OXR1: variants seen among roughly 807,000 people sequenced by gnomAD.
The protein encoded by OXR1 is oxidation resistance 1, also known as oxidation resistance protein 1.
In OXR1, 41 loss-of-function variants were observed where a neutral mutation model predicts 104.6. That is an observed-to-expected ratio of 0.39 (90% CI 0.31 to 0.51). OXR1 has a LOEUF of 0.51. OXR1 is among the 20% of genes least tolerant of loss of function. The pLI, the probability that OXR1 is intolerant of heterozygous loss-of-function variation, is 0.77. For synonymous variants in OXR1, 348 were observed against 348.4 expected (o/e 1.00, Z 0.01); for missense variants, 955 against 1,031.9 (o/e 0.93, Z 1.02).
chr8:106,608,750 A>C (rs1298196047), intron 3 of OXR1, among the ~76,000 whole-genome samples: 1 of 152,206 alleles, frequency 6.6e-6, no homozygotes, highest in Non-Finnish European at 1.5e-5. Flanking sequence ...CACAAAGGAA[A>C]CAGAAACCAG....
At chr8:106,707,858 A>C (rs953351937) in intron 9 of OXR1, among the ~76,000 whole-genome samples, 7 of 152,174 alleles carry the variant, frequency 4.6e-5, no homozygotes, top group Non-Finnish European at 8.8e-5. Flanking sequence ...GTCCATTCAC[A>C]TGTGAACTTT....
At chr8:106,671,664 T>C (rs1348406083) in intron 3 of OXR1, among the ~76,000 whole-genome samples, 2 of 152,170 alleles carry the variant, frequency 1.3e-5, no homozygotes, top group East Asian at 3.9e-4. Flanking sequence ...TCATGTCCTT[T>C]GCAGGGACAT....
At chr8:106,452,494 A>G (rs577131763) in intron 2 of OXR1, among the ~76,000 whole-genome samples, 57 of 152,298 alleles carry the variant, frequency 3.7e-4, no homozygotes, top group Middle Eastern at 6.8e-3. Context: ...TTTACCAAAA[A>G]TTAAAAATCA....
At chr8:106,674,661 ATAT>A (rs1414408668) in intron 3 of OXR1, among the ~76,000 whole-genome samples, 1 of 152,104 alleles carries the variant, frequency 6.6e-6, no homozygotes, top group Non-Finnish European at 1.5e-5. Flanking sequence ...TCATCTTGAA[ATAT>A]TATCCCCATA....
intron 1 of OXR1, among the ~76,000 whole-genome samples, chr8:106,321,550 G>A (rs1814218134): frequency 1.3e-5 from 2 of 152,128 alleles, no homozygotes; most frequent in Admixed American, 6.5e-5. Context: ...TTTCTGAATG[G>A]TGTTAAGACT....
At chr8:106,598,459 C>T (rs547389959) in intron 3 of OXR1, among the ~76,000 whole-genome samples, 2 of 152,294 alleles carry the variant, frequency 1.3e-5, no homozygotes, top group African/African-American at 2.4e-5. Flanking sequence ...TTGATAATAA[C>T]TTACCAATCA....
intron 3 of OXR1, among the ~76,000 whole-genome samples, chr8:106,581,747 G>T (rs1430769509): frequency 1.3e-5 from 2 of 151,958 alleles, no homozygotes; most frequent in African/African-American, 4.8e-5. Context: ...TTCAGGGCCA[G>T]GCACAATGGC....
At chr8:106,406,136 AG>A (rs1049157919) in intron 2 of OXR1, among the ~76,000 whole-genome samples, 3 of 152,110 alleles carry the variant, frequency 2.0e-5, no homozygotes, top group Non-Finnish European at 2.9e-5. Context: ...ATCTTGTCAT[AG>A]GGTGGCTTGG....
chr8:106,744,379 C>G (rs924194043), intron 15 of OXR1, among the ~76,000 whole-genome samples: 4 of 152,110 alleles, frequency 2.6e-5, no homozygotes, highest in Admixed American at 2.6e-4. Context: ...TAAAATATGG[C>G]ATGATCATTT....
At position 106,655,075 on chromosome 8, in the gene OXR1, T is replaced by C. The variant is rs147531002; in HGVS notation, c.221-24135T>C. Among the ~76,000 whole-genome samples, 57 of 152,162 alleles carry C rather than the reference T, an allele frequency of 3.7e-4. 1 individual carries two copies. In the East Asian group the frequency reaches 9.3e-3, roughly 25 times the overall value. On this transcript the variant is annotated intron_variant, in intron 3 of 16. Transcript: ENST00000517566. ...CCCAAAGACCAAGCATTATATGAAA[T>C]GTCTATAAAAGGCAAATCCACCGAG...
chr8:106,445,397 A>G (rs1055293142), intron 2 of OXR1, among the ~76,000 whole-genome samples: 1 of 152,194 alleles, frequency 6.6e-6, no homozygotes, highest in African/African-American at 2.4e-5. Context: ...TGCCAGGTGA[A>G]TCCATCTGCA....
At chr8:106,744,240 A>T (rs1027563305) in intron 15 of OXR1, among the ~76,000 whole-genome samples, 6 of 152,214 alleles carry the variant, frequency 3.9e-5, no homozygotes, top group Non-Finnish European at 8.8e-5. Flanking sequence ...GAGATGGCAT[A>T]AATGAAAAAA....
intron 2 of OXR1, among the ~76,000 whole-genome samples, chr8:106,390,551 G>C (rs1369285738): frequency 1.8e-4 from 27 of 152,144 alleles, no homozygotes; most frequent in Admixed American, 1.8e-3. Context: ...ACGTCACACA[G>C]AAAGTATCAG....
chr8:106,400,635 C>T (rs570554166), intron 2 of OXR1, among the ~76,000 whole-genome samples: 1 of 152,170 alleles, frequency 6.6e-6, no homozygotes, highest in Non-Finnish European at 1.5e-5. Flanking sequence ...TTACTTGTGA[C>T]TGAAATACTG....
chr8:106,660,938 A>G (rs1182894452), intron 3 of OXR1, among the ~76,000 whole-genome samples: 1 of 152,034 alleles, frequency 6.6e-6, no homozygotes, highest in Non-Finnish European at 1.5e-5. Context: ...GCTTAAACCC[A>G]GGAGGCAAGG....
At chr8:106,683,777 G>T (rs143688162) in intron 5 of OXR1, among the ~76,000 whole-genome samples, 12 of 152,200 alleles carry the variant, frequency 7.9e-5, no homozygotes, top group Non-Finnish European at 1.8e-4. Context: ...TTTTTCACGC[G>T]TGCATGGTAT....
At chr8:106,471,358 C>T (rs1821483417) in intron 2 of OXR1, among the ~76,000 whole-genome samples, 1 of 151,666 alleles carries the variant, frequency 6.6e-6, no homozygotes. Flanking sequence ...TTCATCACTG[C>T]TCAAAAACCT....
intron 3 of OXR1, among the ~76,000 whole-genome samples, chr8:106,599,682 T>C (rs1819807290): frequency 6.6e-6 from 1 of 152,220 alleles, no homozygotes; most frequent in Non-Finnish European, 1.5e-5. Flanking sequence ...ATGATTATCC[T>C]TAGTGTAAAG....
At chr8:106,439,808 A>G (rs1819714630) in intron 2 of OXR1, among the ~76,000 whole-genome samples, 2 of 152,160 alleles carry the variant, frequency 1.3e-5, no homozygotes, top group African/African-American at 4.8e-5. Flanking sequence ...AATTCATTGA[A>G]TGAATGAGAA....
Sources: allele counts gnomAD v4.1 joint callset (sites outside exome capture counted in the v4.1 genomes callset), GRCh38; gene constraint gnomAD v4.1.1; transcripts MANE v1.5; gene names NCBI Gene and HGNC (gene_info 2026-07-23, HGNC 2026-07-21).